STARD9: variants seen among roughly 807,000 people sequenced by gnomAD.
STARD9 encodes the protein stAR-related lipid transfer protein 9.
In STARD9, 346 loss-of-function variants were observed where a neutral mutation model predicts 399.8. That is an observed-to-expected ratio of 0.87 (90% CI 0.79 to 0.95). The LOEUF is 0.95. Ranked by LOEUF, STARD9 falls within the 40% of genes least tolerant of loss-of-function variation. STARD9 has a pLI of 0.00. For missense variants in STARD9, 5,832 were observed against 5,667.5 expected, an observed-to-expected ratio of 1.03 and a Z score of -0.93; for synonymous variants, 2,203 against 2,143.5, an observed-to-expected ratio of 1.03 and a Z score of -0.77.
In STARD9 at chr15:42,673,703, A is replaced by G. The variant is rs561474735; in HGVS notation, c.1498-737A>G. ...GTCAATAAATGATAAAGATATGTCT[A>G]AAATTTAGCATCCCGGTTGCCATGT... On this transcript the variant is annotated intron_variant, in intron 16 of 32. Transcript: ENST00000290607. Among the ~76,000 whole-genome samples, 9 of 152,360 alleles carry G rather than the reference A, an allele frequency of 5.9e-5. No individual in the cohort carries two copies. The South Asian group carries it at 1.7e-3, about 28-fold the overall frequency.
At chr15:42,702,461 C>T (rs1566959044) in intron 26 of STARD9, among the ~76,000 whole-genome samples, 1 of 152,136 alleles carries the variant, frequency 6.6e-6, no homozygotes, top group Non-Finnish European at 1.5e-5. Context: ...CTCGGCCTCC[C>T]AAAGTATTGG....
Position 42,692,318 on chromosome 15 carries a change from C to T in STARD9, c.10740C>T (p.Pro3580=). 4 of 1,537,062 alleles carry T rather than the reference C, an allele frequency of 2.6e-6. No individual in the cohort carries two copies. The highest frequency in any genetic ancestry group is 3.5e-6 in the Non-Finnish European group (4 of 1,146,892). Residue 3580 remains proline, a synonymous_variant, in exon 23 of 33, where the codon CCC becomes CCT. Transcript: ENST00000290607. ...HIPTSPEGVA[P]TSGHDRRPQF... ...CGACGAGCCCTGAAGGAGTAGCCCC[C>T]ACTTCGGGTCATGACAGAAGGCCTC...
intron 3 of STARD9, among the ~76,000 whole-genome samples, chr15:42,626,333 C>CTCTTCTTCCTCT (rs2141877158): frequency 7.0e-6 from 1 of 143,548 alleles, no homozygotes; most frequent in South Asian, 2.2e-4. Flanking sequence ...CCTCCTCTTC[C>CTCTTCTTCCTCT]TCTTCTTCCT....
chr15:42,675,704 C>A lies in STARD9; in HGVS notation c.1728C>A (p.Phe576Leu). 1 of 1,537,224 alleles carries A rather than the reference C, an allele frequency of 6.5e-7. No individual in the cohort carries two copies. The highest frequency in any genetic ancestry group is 2.4e-5 in the East Asian group (1 of 40,922). The change falls in exon 19 of 33, where the codon TTC (phenylalanine) becomes TTA (leucine). Residue 576 changes from phenylalanine to leucine, a missense_variant. Phe to Leu is a conservative substitution (Grantham distance 22, BLOSUM62 0). Transcript: ENST00000290607. ...TGGGGAAGGCACAGAAGTTCCGATT[C>A]AACCACCCAGCAGAGGCTGCTGTCC... ...ITLGKAQKFR[F>L]NHPAEAAVLR...
intron 21 of STARD9, 129 bp from the exon 22 acceptor site, chr15:42,681,975 C>G: frequency 1.5e-6 from 1 of 668,982 alleles, no homozygotes; most frequent in Non-Finnish European, 2.5e-6. Context: ...AGCCCTCACC[C>G]TGCCACATCA....
Position 42,669,258 on chromosome 15 carries a change from T to C in STARD9, c.1418T>C (p.Val473Ala). The C allele has an allele frequency of 2.0e-6, 3 of 1,536,968 alleles. No individual in the cohort carries two copies. The highest frequency in any genetic ancestry group is 2.6e-6 in the Non-Finnish European group (3 of 1,146,704). ...VDINRRRAGV[V>A]IDSSLPHLMA... ...ATCAACAGGAGGAGGGCTGGGGTGG[T>C]CATCGACTCCAGCCTGCCACACTTG... The change falls in exon 16 of 33, where the codon GTC (valine) becomes GCC (alanine). Residue 473 changes from valine (V) to alanine (A), a missense_variant. Val to Ala is a moderately conservative substitution (Grantham distance 64). Coordinates refer to ENST00000290607, the MANE Select transcript of STARD9 (RefSeq NM_020759.3).
At chr15:42,630,723 T>C (rs1440327740) in intron 3 of STARD9, among the ~76,000 whole-genome samples, 1 of 152,168 alleles carries the variant, frequency 6.6e-6, no homozygotes, top group Non-Finnish European at 1.5e-5. Flanking sequence ...TATATAGTCA[T>C]AGTAGTCTCT....
At chr15:42,601,653 A>G (rs1297365991) in intron 3 of STARD9, among the ~76,000 whole-genome samples, 3 of 151,946 alleles carry the variant, frequency 2.0e-5, no homozygotes, top group Non-Finnish European at 4.4e-5. Flanking sequence ...CTGTTTTTCT[A>G]CAGGAGGGTT....
rs570640325 is a variant in STARD9, at chr15:42,692,885, G to A, written c.11307G>A (p.Ser3769=). 3.2e-5 allele frequency: 49 copies of A among 1,537,220 alleles called. No individual in the cohort carries two copies. The South Asian group carries it at 3.6e-4, about 11-fold the overall frequency. ...VILEGLGSDT[S]TVSQEEGDVP... ...TTGAAGGGCTAGGCTCAGATACCTC[G>A]ACTGTGTCTCAAGAAGAGGGAGATG... is the stretch of plus-strand genomic sequence containing the variant. The change falls in exon 23 of 33, where the codon TCG becomes TCA. Residue 3769 remains serine, a synonymous_variant. Transcript: ENST00000290607.
At chr15:42,655,893 T>A (rs1373082137) in intron 9 of STARD9, among the ~76,000 whole-genome samples, 1 of 151,674 alleles carries the variant, frequency 6.6e-6, no homozygotes, top group Non-Finnish European at 1.5e-5. Context: ...AAAAAAACAG[T>A]CCCATCAAAA....
intron 13 of STARD9, 59 bp downstream of exon 13, chr15:42,663,976 T>C (rs1317321393): frequency 1.0e-5 from 12 of 1,189,572 alleles, no homozygotes; most frequent in Non-Finnish European, 1.4e-5. Flanking sequence ...TCCTTATTTT[T>C]TTTTCTCTCG....
At chr15:42,608,403 G>T (rs528216339) in intron 3 of STARD9, among the ~76,000 whole-genome samples, 3 of 152,246 alleles carry the variant, frequency 2.0e-5, no homozygotes, top group South Asian at 4.1e-4. Context: ...CTTCACCTGG[G>T]CTGGCTGAAC....
intron 3 of STARD9, among the ~76,000 whole-genome samples, chr15:42,633,840 C>T (rs1471242541): frequency 1.3e-5 from 2 of 152,076 alleles, no homozygotes; most frequent in African/African-American, 4.8e-5. Context: ...GACAGGGTTT[C>T]GCCATGTTGG....
In STARD9 at chr15:42,692,604, A is replaced by G. The variant is rs1257114326; in HGVS notation, c.11026A>G (p.Ser3676Gly). 7 of 1,537,224 alleles carry G rather than the reference A, an allele frequency of 4.6e-6. No homozygotes were observed. Among genetic ancestry groups the G allele is most frequent in the Non-Finnish European group, 5.2e-6 (6 of 1,146,912 alleles). The change falls in exon 23 of 33, where the codon AGC becomes GGC. Residue 3676 changes from serine to glycine, a missense_variant. Coordinates refer to ENST00000290607, the MANE Select transcript of STARD9 (RefSeq NM_020759.3). ...AGCCTTTGATCTGGCCTCATGGACC[A>G]GCATGCACAATCTGTCTCTCCACCT... is the stretch of plus-strand genomic sequence containing the variant. ...VSAFDLASWT[S>G]MHNLSLHLSQ...
rs539464370 is a variant in STARD9, at chr15:42,715,895, C to T, written c.13285-782C>T. On this transcript the variant is annotated intron_variant, in intron 26 of 32. Coordinates refer to ENST00000290607, the MANE Select transcript of STARD9 (RefSeq NM_020759.3). ...GAGGTGGGGGCAACAAGTGAAGAGA[C>T]TGGTGATCAGTAGTGAAAGGCTTCT... is the stretch of plus-strand genomic sequence containing the variant. Among the ~76,000 whole-genome samples, 4 of 152,216 alleles carry T rather than the reference C, an allele frequency of 2.6e-5. No homozygotes were observed. In the South Asian group the frequency reaches 8.3e-4, roughly 32 times the overall value.
intron 7 of STARD9, among the ~76,000 whole-genome samples, chr15:42,644,215 C>T (rs887617596): frequency 5.9e-5 from 9 of 152,154 alleles, no homozygotes; most frequent in South Asian, 2.1e-4. Flanking sequence ...CATACTTGGC[C>T]GGGCATGGCG....
At chr15:42,650,071 C>T (rs1595706605) in intron 7 of STARD9, among the ~76,000 whole-genome samples, 2 of 151,570 alleles carry the variant, frequency 1.3e-5, no homozygotes, top group South Asian at 4.2e-4. Flanking sequence ...TCTCCATGTT[C>T]GCCAGGCTAG....
chr15:42,652,359 T>C (rs1450405463), intron 8 of STARD9, among the ~76,000 whole-genome samples, 161 bp from the exon 9 acceptor site: 1 of 152,204 alleles, frequency 6.6e-6, no homozygotes, highest in Admixed American at 6.5e-5. Flanking sequence ...GCTTCTGCCC[T>C]CTTTGGACTA....
chr15:42,603,342 G>C (rs112267992), intron 3 of STARD9, among the ~76,000 whole-genome samples: 52 of 151,922 alleles, frequency 3.4e-4, no homozygotes, highest in Admixed American at 1.1e-3. Context: ...AGCTGGACTC[G>C]AACTCCTGAC....
Sources: gnomAD v4.1 joint callset for allele counts (sites outside exome capture counted in the v4.1 genomes callset) on GRCh38, gnomAD v4.1.1 for gene constraint, MANE v1.5 for transcripts, NCBI Gene and HGNC (gene_info 2026-07-23, HGNC 2026-07-21) for gene names.